MED27: variants seen among roughly 807,000 people sequenced by gnomAD.
MED27 encodes mediator of RNA polymerase II transcription subunit 27.
Under a neutral mutation model 38.2 loss-of-function variants are expected in MED27, and 30 were observed. The observed-to-expected ratio is 0.79, with a 90% CI of 0.59 to 1.07. MED27 has a LOEUF of 1.07. Among genes scored for constraint, MED27 ranks in the 50% least tolerant of loss-of-function variants. The pLI is 0.00. For synonymous variants in MED27, 122 were observed against 153.5 expected, an observed-to-expected ratio of 0.79 and a Z score of 1.52; for missense variants, 289 against 397.5, an observed-to-expected ratio of 0.73 and a Z score of 2.32.
At chr9:131,998,194 G>C (rs1228220567) in intron 3 of MED27, among the ~76,000 whole-genome samples, 1 of 151,200 alleles carries the variant, frequency 6.6e-6, no homozygotes, top group Non-Finnish European at 1.5e-5. Context: ...CACTTGGGGA[G>C]AGCTACGAAC....
At chr9:131,969,632 G>A (rs575331316) in intron 3 of MED27, among the ~76,000 whole-genome samples, 1 of 152,264 alleles carries the variant, frequency 6.6e-6, no homozygotes, top group Admixed American at 6.5e-5. Flanking sequence ...AAGAGGGATT[G>A]GAGAGGGAGC....
chr9:132,079,677 G>A lies in MED27; in HGVS notation c.168C>T (p.Phe56=), dbSNP rs1460334795. 3.1e-6 allele frequency: 5 copies of A among 1,612,834 alleles called. No homozygotes were observed. The highest frequency in any genetic ancestry group is 2.7e-5 in the African/African-American group (2 of 75,002). The part of the protein sequence containing the change: ...EGREKAFIAH[F]QDNLHSVNRD... ...GGTTGACCGAATGTAAGTTGTCCTG[G>A]AAGTGCGCAATAAAGGCCTTCTCCC... The change falls in exon 1 of 8, where the codon TTC becomes TTT. Residue 56 remains phenylalanine (F), a synonymous_variant. Transcript: ENST00000292035.
Position 132,064,792 on chromosome 9 carries a change from C to T in MED27, c.348+12650G>A, listed in dbSNP as rs79358850. Among the ~76,000 whole-genome samples, 798 of 152,304 alleles carry T rather than the reference C, an allele frequency of 5.2e-3. 14 individuals are homozygous for T. Among genetic ancestry groups the T allele is most frequent in the African/African-American group, 0.018 (736 of 41,558 alleles). On this transcript the variant is annotated intron_variant, in intron 2 of 7. Coordinates refer to ENST00000292035, the MANE Select transcript of MED27 (RefSeq NM_004269.4). ...TTCAGACACTGCTTTGGATAAGTTA[C>T]ATTTGCCAATTTAAGTCACCCGGCA...
chr9:131,874,997 A>G (rs1411386342), intron 6 of MED27, among the ~76,000 whole-genome samples: 2 of 152,204 alleles, frequency 1.3e-5, no homozygotes, highest in Non-Finnish European at 2.9e-5. Flanking sequence ...AAGAATGCAG[A>G]CTGCAGAGCT....
chr9:131,947,016 T>G (rs1830899625), intron 3 of MED27, among the ~76,000 whole-genome samples: 1 of 152,210 alleles, frequency 6.6e-6, no homozygotes, highest in African/African-American at 2.4e-5. Context: ...TACAGAATTC[T>G]ATGGGAACCT....
chr9:131,956,257 G>A (rs1831095974), intron 3 of MED27, among the ~76,000 whole-genome samples: 1 of 152,230 alleles, frequency 6.6e-6, no homozygotes, highest in Non-Finnish European at 1.5e-5. Flanking sequence ...TGGCTGCCAG[G>A]AGATGGTGGA....
At chr9:132,027,148 G>A (rs189817087) in intron 2 of MED27, among the ~76,000 whole-genome samples, 4 of 152,360 alleles carry the variant, frequency 2.6e-5, no homozygotes, top group East Asian at 1.9e-4. Flanking sequence ...CTGAATCAAC[G>A]GAGTGAGGAT....
intron 6 of MED27, among the ~76,000 whole-genome samples, chr9:131,867,418 C>T (rs1480934106): frequency 6.6e-6 from 1 of 152,196 alleles, no homozygotes; most frequent in Non-Finnish European, 1.5e-5. Context: ...AAGAAATGAG[C>T]TTGAGTTGTG....
intron 6 of MED27, among the ~76,000 whole-genome samples, chr9:131,875,201 C>G (rs566833840): frequency 6.6e-6 from 1 of 152,184 alleles, no homozygotes; most frequent in Non-Finnish European, 1.5e-5. Flanking sequence ...AGGATCCTGC[C>G]TACATCAGCA....
chr9:132,065,736 C>T (rs1833796773), intron 2 of MED27, among the ~76,000 whole-genome samples: 2 of 152,250 alleles, frequency 1.3e-5, no homozygotes, highest in African/African-American at 4.8e-5. Flanking sequence ...GTGGATCACA[C>T]CTGTCCCCAG....
intron 4 of MED27, among the ~76,000 whole-genome samples, chr9:131,895,578 GT>G (rs1472198450): frequency 1.3e-5 from 2 of 152,132 alleles, no homozygotes; most frequent in Non-Finnish European, 2.9e-5. Context: ...CAAGCGTTAG[GT>G]TGATAGCTCT....
chr9:131,950,141 G>A (rs921312786), intron 3 of MED27, among the ~76,000 whole-genome samples: 3 of 151,902 alleles, frequency 2.0e-5, no homozygotes, highest in East Asian at 1.9e-4. Flanking sequence ...ACATCTTTAC[G>A]AGAGAGAAAA....
At position 132,018,313 on chromosome 9, in the gene MED27, T is replaced by C. The variant is rs73555368; in HGVS notation, c.349-3846A>G. Among the ~76,000 whole-genome samples, 345 of 152,276 alleles carry C rather than the reference T, an allele frequency of 2.3e-3. 1 individual carries two copies. Among genetic ancestry groups the C allele is most frequent in the African/African-American group, 8.0e-3 (333 of 41,546 alleles). On this transcript the variant is annotated intron_variant, in intron 2 of 7. Transcript: ENST00000292035. Reference sequence around the variant, plus strand: ...AAACTACTGGGAGTCCAAATTCAATTAGCTTTAATACGCTTCAAATTACAA... The same window carrying C: ...AAACTACTGGGAGTCCAAATTCAATCAGCTTTAATACGCTTCAAATTACAA...
At chr9:131,867,046 C>T (rs967419274) in intron 6 of MED27, among the ~76,000 whole-genome samples, 1 of 152,198 alleles carries the variant, frequency 6.6e-6, no homozygotes, top group African/African-American at 2.4e-5. Context: ...CTCTCTTCTC[C>T]CATCTCAATC....
At chr9:131,935,705 G>A (rs1455474791) in intron 4 of MED27, among the ~76,000 whole-genome samples, 1 of 152,160 alleles carries the variant, frequency 6.6e-6, no homozygotes, top group Non-Finnish European at 1.5e-5. Flanking sequence ...ATGACCACGG[G>A]TCGGGAGGCA....
rs79546985 is a variant in MED27 at position 131,929,957 on chromosome 9, A to G, written c.573+9424T>C. The stretch of plus-strand genomic sequence containing the variant: ...CAGTGCTGCGCTGGCCTCAAGTCTG[A>G]CCCAGCACAGTCTCAGGAGTGGTGG... On this transcript the variant is annotated intron_variant, in intron 4 of 7. Transcript: ENST00000292035. 3.1e-3 allele frequency among the ~76,000 whole-genome samples: 472 copies of G among 152,284 alleles called. 4 individuals are homozygous for G. The highest frequency in any genetic ancestry group is 0.011 in the African/African-American group (448 of 41,546).
At chr9:131,970,085 C>G (rs1005247459) in intron 3 of MED27, among the ~76,000 whole-genome samples, 1 of 152,210 alleles carries the variant, frequency 6.6e-6, no homozygotes, top group African/African-American at 2.4e-5. Context: ...GCAGCGGGAG[C>G]CTTGACAAGT....
intron 2 of MED27, among the ~76,000 whole-genome samples, chr9:132,074,168 G>C (rs1833999944): frequency 6.6e-6 from 1 of 152,196 alleles, no homozygotes; most frequent in Non-Finnish European, 1.5e-5. Context: ...GTGCATAATA[G>C]TGAAAAGCTA....
chr9:131,879,640 C>T (rs559568130), intron 6 of MED27, among the ~76,000 whole-genome samples: 18 of 152,348 alleles, frequency 1.2e-4, no homozygotes, highest in African/African-American at 4.3e-4. Flanking sequence ...GAGCATCCTC[C>T]AGCATGTCAT....
Sources: allele counts gnomAD v4.1 joint callset (sites outside exome capture counted in the v4.1 genomes callset), GRCh38; gene constraint gnomAD v4.1.1; transcripts MANE v1.5; gene names NCBI Gene and HGNC (gene_info 2026-07-23, HGNC 2026-07-21).